TAS2R1: variants seen among roughly 807,000 people sequenced by gnomAD.
TAS2R1 encodes the protein taste receptor type 2 member 1.
For missense variants in TAS2R1, 370 were observed against 353.4 expected (o/e 1.05, Z -0.38); for synonymous variants, 141 against 134.2 (o/e 1.05, Z -0.35).
chr5:9,718,185 C>G, the TAS2R1 span, among the ~76,000 whole-genome samples: 68 of 150,072 alleles, frequency 4.5e-4, no homozygotes, highest in South Asian at 8.0e-3. Flanking sequence ...TGGCCAGGAT[C>G]GTCTTGATCT....
chr5:9,724,913 T>C, the TAS2R1 span, among the ~76,000 whole-genome samples: 1 of 152,240 alleles, frequency 6.6e-6, no homozygotes, highest in Non-Finnish European at 1.5e-5. Flanking sequence ...TTCAGCATTA[T>C]AGAACCATGC....
chr5:9,725,532 G>A, the TAS2R1 span, among the ~76,000 whole-genome samples: 3 of 152,164 alleles, frequency 2.0e-5, no homozygotes, highest in Non-Finnish European at 2.9e-5. Flanking sequence ...TCGATTTCTC[G>A]CCAGGCCTTA....
the TAS2R1 span, among the ~76,000 whole-genome samples, chr5:9,880,275 C>T: frequency 1.3e-5 from 2 of 152,170 alleles, no homozygotes; most frequent in Admixed American, 6.5e-5. Flanking sequence ...GAGAGTGAGG[C>T]TCTCACACAG....
chr5:9,717,115 A>G (rs571048581), upstream of TAS2R1, among the ~76,000 whole-genome samples: 90 of 152,320 alleles, frequency 5.9e-4, no homozygotes, highest in African/African-American at 2.0e-3. Context: ...GCCACGAGGA[A>G]GCACAAACTC....
chr5:9,780,419 G>A, the TAS2R1 span, among the ~76,000 whole-genome samples: 1 of 152,290 alleles, frequency 6.6e-6, no homozygotes, highest in Non-Finnish European at 1.5e-5. Context: ...TGGCTAACTG[G>A]TCATCAGCTG....
At chr5:9,899,525 T>C in the TAS2R1 span, among the ~76,000 whole-genome samples, 2 of 151,630 alleles carry the variant, frequency 1.3e-5, no homozygotes, top group South Asian at 2.1e-4. Flanking sequence ...TAATCCCAGC[T>C]ACTCGGGAGG....
the TAS2R1 span, among the ~76,000 whole-genome samples, chr5:9,744,993 G>T: frequency 6.6e-6 from 1 of 152,162 alleles, no homozygotes; most frequent in Non-Finnish European, 1.5e-5. Context: ...ATCTTACAAG[G>T]TTTATAGTGA....
At chr5:9,734,681 C>A in the TAS2R1 span, among the ~76,000 whole-genome samples, 1 of 152,112 alleles carries the variant, frequency 6.6e-6, no homozygotes, top group Non-Finnish European at 1.5e-5. Flanking sequence ...CTACAGTAAT[C>A]CTAGATGGTG....
the TAS2R1 span, among the ~76,000 whole-genome samples, chr5:9,721,449 A>G: frequency 5.9e-5 from 9 of 152,324 alleles, no homozygotes; most frequent in South Asian, 2.1e-4. Flanking sequence ...ACAGCATTAT[A>G]TAAGAGTGAA....
intron 1 of TAS2R1, among the ~76,000 whole-genome samples, chr5:9,678,882 T>A (rs12153647): frequency 0.028 from 4,277 of 152,228 alleles, 75 homozygotes; most frequent in Middle Eastern, 0.051. Flanking sequence ...CCATGGCACA[T>A]GTTTACCTAT....
chr5:9,727,430 G>A, the TAS2R1 span, among the ~76,000 whole-genome samples: 7,448 of 152,222 alleles, frequency 0.049, 627 homozygotes, highest in African/African-American at 0.16. Context: ...GAGAAACCAA[G>A]AGAGTAGACT....
chr5:9,833,795 G>C, the TAS2R1 span, among the ~76,000 whole-genome samples: 1 of 152,030 alleles, frequency 6.6e-6, no homozygotes, highest in African/African-American at 2.4e-5. Context: ...TTGAATATTG[G>C]TAATGGTTTA....
intron 1 of TAS2R1, among the ~76,000 whole-genome samples, chr5:9,675,419 C>CT (rs35909213): frequency 0.036 from 4,869 of 135,710 alleles, 109 homozygotes; most frequent in Middle Eastern, 0.062. Flanking sequence ...TTTTCTTTTT[C>CT]TTTTTTTTTT....
chr5:9,740,081 T>C, the TAS2R1 span, among the ~76,000 whole-genome samples: 1 of 152,204 alleles, frequency 6.6e-6, no homozygotes, highest in Non-Finnish European at 1.5e-5. Context: ...TCCCCAGAGA[T>C]GTTTTCTGGT....
At chr5:9,852,368 T>G in the TAS2R1 span, among the ~76,000 whole-genome samples, 3 of 152,182 alleles carry the variant, frequency 2.0e-5, no homozygotes, top group African/African-American at 7.2e-5. Flanking sequence ...CCCAGAATTT[T>G]TTTCATTCTC....
At chr5:9,710,982 A>ATTATG in intron 1 of TAS2R1, among the ~76,000 whole-genome samples, 1 of 145,720 alleles carries the variant, frequency 6.9e-6, no homozygotes, top group Non-Finnish European at 1.5e-5. Context: ...TTTATGATAT[A>ATTATG]TATTTATATA....
At chr5:9,743,399 A>G in the TAS2R1 span, among the ~76,000 whole-genome samples, 1 of 151,904 alleles carries the variant, frequency 6.6e-6, no homozygotes, top group Non-Finnish European at 1.5e-5. Context: ...TACATGTGCC[A>G]TGTTGGTGTG....
the TAS2R1 span, among the ~76,000 whole-genome samples, chr5:9,893,732 C>T: frequency 6.6e-6 from 1 of 152,146 alleles, no homozygotes; most frequent in East Asian, 1.9e-4. Flanking sequence ...GTACATCTAT[C>T]CTGAGGGGCT....
intron 2 of TAS2R1, chr5:9,641,348 T>A (rs1740081508): frequency 6.6e-6 from 1 of 152,216 alleles, no homozygotes. Context: ...ATAGGTCTTT[T>A]GATATGGGAA....
Sources: allele counts gnomAD v4.1 joint callset (sites outside exome capture counted in the v4.1 genomes callset), GRCh38; gene constraint gnomAD v4.1.1; transcripts MANE v1.5; gene names NCBI Gene and HGNC (gene_info 2026-07-23, HGNC 2026-07-21).